The following DDX10 variants were observed in gnomAD, a reference collection of about 807,000 sequenced individuals.
DDX10 encodes the protein DEAD-box helicase 10.
In DDX10, 74 loss-of-function variants were observed where a neutral mutation model predicts 104.3. The ratio of observed to expected loss-of-function variants is 0.71; its 90% CI spans 0.59 to 0.86. The LOEUF is 0.86. Among genes scored for constraint, DDX10 ranks in the 40% least tolerant of loss-of-function variants. The pLI is 0.00. For missense variants in DDX10, 952 were observed against 1,040.0 expected, an observed-to-expected ratio of 0.92 and a Z score of 1.16; for synonymous variants, 351 against 353.4, an observed-to-expected ratio of 0.99 and a Z score of 0.08.
intron 13 of DDX10, among the ~76,000 whole-genome samples, chr11:108,803,967 A>G (rs1341208560): frequency 6.6e-6 from 1 of 152,184 alleles, no homozygotes; most frequent in Admixed American, 6.5e-5. Flanking sequence ...CTTTTAGAGT[A>G]AGGCACTGCT....
chr11:108,682,367 A>G (rs1214567943), intron 6 of DDX10, among the ~76,000 whole-genome samples: 1 of 152,196 alleles, frequency 6.6e-6, no homozygotes, highest in East Asian at 1.9e-4. Flanking sequence ...GGCCTCCCAC[A>G]GTGCTGGGAT....
chr11:108,810,476 G>T (rs1189038727), intron 13 of DDX10, among the ~76,000 whole-genome samples: 2 of 152,150 alleles, frequency 1.3e-5, no homozygotes, highest in Non-Finnish European at 2.9e-5. Flanking sequence ...TGGTTTGGAG[G>T]ACTAGGGTGT....
intron 1 of DDX10, among the ~76,000 whole-genome samples, chr11:108,665,933 G>A (rs931167128): frequency 7.9e-5 from 12 of 152,126 alleles, no homozygotes; most frequent in African/African-American, 2.7e-4. Flanking sequence ...CCCCATCCAA[G>A]AATTGGCCTA....
At chr11:108,748,007 A>T (rs980752709) in intron 13 of DDX10, among the ~76,000 whole-genome samples, 6 of 152,144 alleles carry the variant, frequency 3.9e-5, no homozygotes, top group African/African-American at 1.4e-4. Context: ...TAATAGACTG[A>T]TGTGCGTGCA....
At chr11:108,682,491 A>G (rs753102295) in intron 6 of DDX10, among the ~76,000 whole-genome samples, 1 of 152,096 alleles carries the variant, frequency 6.6e-6, no homozygotes, top group Non-Finnish European at 1.5e-5. Flanking sequence ...CCATCCTTGT[A>G]CTTTCTACAT....
At chr11:108,926,084 T>G (rs961909965) in intron 17 of DDX10, among the ~76,000 whole-genome samples, 1 of 152,214 alleles carries the variant, frequency 6.6e-6, no homozygotes, top group Admixed American at 6.5e-5. Flanking sequence ...ATGTTCTACA[T>G]GCAGATTAGC....
intron 16 of DDX10, among the ~76,000 whole-genome samples, chr11:108,855,050 A>G (rs1862846955): frequency 6.6e-6 from 1 of 152,210 alleles, no homozygotes; most frequent in African/African-American, 2.4e-5. Flanking sequence ...TGGGTACCTA[A>G]TAGTGGTTTG....
At chr11:108,793,291 T>C (rs1465220897) in intron 13 of DDX10, among the ~76,000 whole-genome samples, 1 of 152,178 alleles carries the variant, frequency 6.6e-6, no homozygotes, top group Admixed American at 6.5e-5. Context: ...TTTCACATAA[T>C]GAGTCCCAGT....
chr11:108,741,231 G>T (rs533145509), intron 13 of DDX10, among the ~76,000 whole-genome samples: 1 of 148,018 alleles, frequency 6.8e-6, no homozygotes, highest in East Asian at 2.1e-4. Flanking sequence ...TTGATGTTGG[G>T]TGATGTGATG....
intron 15 of DDX10, among the ~76,000 whole-genome samples, chr11:108,843,882 A>C (rs1862676722): frequency 6.6e-6 from 1 of 152,232 alleles, no homozygotes; most frequent in African/African-American, 2.4e-5. Context: ...CTTTATGCAG[A>C]TAGAAATAAA....
rs1351797640 is a variant in DDX10, at chr11:108,939,097, A to C, written c.2451-1149A>C. Reference sequence around the variant, plus strand: ...GTTCTCATTTATCTAAGTTCATTTAATTCTCACAATTTTAAGTAAATTATA... The same window carrying C: ...GTTCTCATTTATCTAAGTTCATTTACTTCTCACAATTTTAAGTAAATTATA... On this transcript the variant is annotated intron_variant, in intron 17 of 17. Transcript: ENST00000322536. Among the ~76,000 whole-genome samples, 4 of 152,330 alleles carry C rather than the reference A, an allele frequency of 2.6e-5. No individual in the cohort carries two copies. The East Asian group carries it at 7.7e-4, about 29-fold the overall frequency.
In DDX10 at chr11:108,761,971, G is replaced by A. The variant is rs982683548; in HGVS notation, c.1965+38509G>A. Among the ~76,000 whole-genome samples the A allele has an allele frequency of 7.9e-5, 12 of 152,228 alleles. No homozygotes were observed. The South Asian group carries it at 2.5e-3, about 32-fold the overall frequency. On this transcript the variant is annotated intron_variant, in intron 13 of 17. Coordinates refer to ENST00000322536, the MANE Select transcript of DDX10 (RefSeq NM_004398.4). ...ATAAATATGAAAAATCAAAGTTTGA[G>A]TTACTGCCCTCATTAAAAATGAGTA...
chr11:108,879,319 A>G (rs1863196651), intron 16 of DDX10, among the ~76,000 whole-genome samples: 1 of 152,194 alleles, frequency 6.6e-6, no homozygotes, highest in African/African-American at 2.4e-5. Context: ...TAAGTCTTCT[A>G]AACATTTGGA....
chr11:108,898,950 T>G (rs1490946234), intron 16 of DDX10, among the ~76,000 whole-genome samples: 1 of 152,346 alleles, frequency 6.6e-6, no homozygotes, highest in East Asian at 1.9e-4. Context: ...TTTATTAATG[T>G]ACACACATTT....
chr11:108,738,443 A>G (rs993740174), intron 13 of DDX10, among the ~76,000 whole-genome samples: 1 of 152,058 alleles, frequency 6.6e-6, no homozygotes, highest in African/African-American at 2.4e-5. Flanking sequence ...TTTTAGAAAT[A>G]CTTATTTCTA....
intron 13 of DDX10, among the ~76,000 whole-genome samples, chr11:108,780,081 G>A (rs570476675): frequency 6.6e-6 from 1 of 152,298 alleles, no homozygotes; most frequent in South Asian, 2.1e-4. Context: ...TTTTTAGAAA[G>A]CATTGGCAAA....
chr11:108,730,695 C>A (rs1361779366), intron 13 of DDX10, among the ~76,000 whole-genome samples: 1 of 152,146 alleles, frequency 6.6e-6, no homozygotes, highest in Non-Finnish European at 1.5e-5. Flanking sequence ...TTACTTGACT[C>A]TAAATGATAT....
intron 6 of DDX10, among the ~76,000 whole-genome samples, chr11:108,688,309 A>G (rs936439152): frequency 1.3e-5 from 2 of 152,218 alleles, no homozygotes; most frequent in African/African-American, 4.8e-5. Context: ...CATATGGTAC[A>G]TTGAAAGACT....
At chr11:108,699,891 C>T (rs189943091) in intron 9 of DDX10, among the ~76,000 whole-genome samples, 14 of 152,244 alleles carry the variant, frequency 9.2e-5, no homozygotes, top group Admixed American at 2.0e-4. Flanking sequence ...CATGCTCTGG[C>T]CCAGGTTAAC....
Sources: allele counts gnomAD v4.1 joint callset (sites outside exome capture counted in the v4.1 genomes callset), GRCh38; gene constraint gnomAD v4.1.1; transcripts MANE v1.5; gene names NCBI Gene and HGNC (gene_info 2026-07-23, HGNC 2026-07-21).